Variants in UBE2J2 observed in about 807,000 individuals in gnomAD.
UBE2J2 encodes ubiquitin conjugating enzyme E2 J2, also known as ubiquitin-conjugating enzyme E2 J2.
Under a neutral mutation model 28.6 loss-of-function variants are expected in UBE2J2, and 5 were observed. The ratio of observed to expected loss-of-function variants is 0.17; its 90% confidence interval spans 0.09 to 0.37. UBE2J2 has a LOEUF of 0.37. Ranked by LOEUF, UBE2J2 falls within the 10% of genes least tolerant of loss-of-function variation. The pLI, the probability that UBE2J2 is intolerant of heterozygous loss-of-function variation, is 1.00. For missense variants in UBE2J2, 226 were observed against 338.9 expected (o/e 0.67, Z 2.62); for synonymous variants, 138 against 139.7 (o/e 0.99, Z 0.09).
intron 5 of UBE2J2, 81 bp downstream of exon 5, chr1:1,256,911 A>AAAT: frequency 9.4e-7 from 1 of 1,066,596 alleles, no homozygotes; most frequent in East Asian, 3.0e-5. Flanking sequence ...AAAAAAAAAA[A>AAAT]GGCAGCTGCA....
chr1:1,255,952 C>A, intron 6 of UBE2J2, 93 bp downstream of exon 6: 1 of 953,802 alleles, frequency 1.0e-6, no homozygotes, highest in Non-Finnish European at 1.7e-6. Context: ...GGGAGGTCTG[C>A]AGCTTCAGGA....
intron 3 of UBE2J2, among the ~76,000 whole-genome samples, chr1:1,260,030 C>T (rs1452754815): frequency 6.6e-6 from 1 of 152,194 alleles, no homozygotes; most frequent in Non-Finnish European, 1.5e-5. Flanking sequence ...GCTTCACTGT[C>T]TGCCTCCCCT....
intron 2 of UBE2J2, among the ~76,000 whole-genome samples, chr1:1,263,956 C>T (rs183707820): frequency 7.9e-5 from 12 of 152,298 alleles, no homozygotes; most frequent in Admixed American, 5.2e-4. Flanking sequence ...TGTGCCACCA[C>T]ATCCCATTTG....
intron 3 of UBE2J2, among the ~76,000 whole-genome samples, chr1:1,261,216 A>C (rs1639539703): frequency 6.6e-6 from 1 of 152,208 alleles, no homozygotes; most frequent in African/African-American, 2.4e-5. Context: ...GGCATCCCCC[A>C]GTGAGGGGGA....
intron 1 of UBE2J2, among the ~76,000 whole-genome samples, chr1:1,269,512 G>A (rs1384393689): frequency 6.6e-6 from 1 of 151,138 alleles, no homozygotes; most frequent in Non-Finnish European, 1.5e-5. Context: ...CCAGGTTGGA[G>A]TGCAGTGGTG....
chr1:1,259,186 C>T (rs1001564616), intron 3 of UBE2J2, among the ~76,000 whole-genome samples: 16 of 150,530 alleles, frequency 1.1e-4, no homozygotes, highest in Admixed American at 1.3e-4. Flanking sequence ...GCCATCAGGA[C>T]GCACTTGTGT....
intron 6 of UBE2J2, 119 bp from the exon 7 acceptor site, chr1:1,255,606 A>C: frequency 1.6e-6 from 2 of 1,257,652 alleles, no homozygotes; most frequent in Non-Finnish European, 2.2e-6. Context: ...GCTGTGTCAA[A>C]TTCCGACCCC....
rs1401107246 is a variant in UBE2J2, at chr1:1,253,975, T to C, written c.*1228A>G. The C allele has an allele frequency of 6.6e-6, 1 of 152,128 alleles. No individual in the cohort carries two copies. The highest frequency in any genetic ancestry group is 2.4e-5 in the African/African-American group (1 of 41,406). 9.4% of individuals were successfully genotyped at this position (152,128 alleles called of 1,614,324 possible). A position where few individuals can be genotyped will look rare whatever the true frequency, so the allele number is the denominator to read the frequency against. ...ACAAGAATAGGTTAAATACATACAA[T>C]TGGTAAATTATAGAGCAATTCTGAA... On this transcript the variant is annotated 3_prime_UTR_variant, in exon 7 of 7. Transcript: ENST00000349431.
intron 1 of UBE2J2, chr1:1,271,562 A>T (rs572245117): frequency 6.6e-6 from 1 of 152,206 alleles, no homozygotes; most frequent in South Asian, 2.1e-4. Flanking sequence ...CTGTTTCCCC[A>T]GCCACTCTTC....
At chr1:1,272,599 TCA>T (rs1640210291) in intron 1 of UBE2J2, among the ~76,000 whole-genome samples, 2 of 146,632 alleles carry the variant, frequency 1.4e-5, no homozygotes, top group African/African-American at 5.4e-5. Context: ...CACCTGCGAC[TCA>T]CACATGCACC....
chr1:1,269,007 G>T (rs957651925), intron 1 of UBE2J2, among the ~76,000 whole-genome samples: 1 of 152,228 alleles, frequency 6.6e-6, no homozygotes, highest in African/African-American at 2.4e-5. Context: ...CAAGCCTCAA[G>T]GCAGATCATA....
At chr1:1,256,686 C>A (rs2101030278) in intron 5 of UBE2J2, among the ~76,000 whole-genome samples, 1 of 151,986 alleles carries the variant, frequency 6.6e-6, no homozygotes, top group East Asian at 1.9e-4. Context: ...ATCAAGACAT[C>A]CTGGTTAACA....
At chr1:1,259,244 A>G (rs112016192) in intron 3 of UBE2J2, among the ~76,000 whole-genome samples, 2 of 149,006 alleles carry the variant, frequency 1.3e-5, no homozygotes, top group Non-Finnish European at 3.0e-5. Context: ...GCGTGTCTGC[A>G]TGCCATCAGG....
rs1156670827 is a variant in UBE2J2, at chr1:1,267,901, T to A, written c.92A>T (p.Tyr31Phe). 15 of 1,613,974 alleles carry A rather than the reference T, an allele frequency of 9.3e-6. No homozygotes were observed. Among genetic ancestry groups the A allele is most frequent in the Non-Finnish European group, 1.2e-5 (14 of 1,179,978 alleles). The change falls in exon 2 of 7, where the codon TAC (tyrosine) becomes TTC (phenylalanine). Residue 31 changes from tyrosine to phenylalanine, a missense_variant. Coordinates refer to ENST00000349431, the MANE Select transcript of UBE2J2 (RefSeq NM_058167.3). ...CGAAGGGAGGGGCTCGGCACAGATG[T>A]AAGGCACCGGGTCTTTCTTAATGCG... The part of the protein sequence containing the change: ...YLRIKKDPVP[Y>F]ICAEPLPSNI...
chr1:1,267,742 G>A, intron 2 of UBE2J2, 120 bp downstream of exon 2: 2 of 1,540,226 alleles, frequency 1.3e-6, no homozygotes, highest in Non-Finnish European at 1.8e-6. Context: ...CCCCGGGGGA[G>A]GGTGCAGGAG....
At chr1:1,257,407 C>CCCCCCCCCCCCCCCCCCCG (rs1553154853) in intron 3 of UBE2J2, 97 bp from the exon 4 acceptor site, 1 of 553,978 alleles carries the variant, frequency 1.8e-6, no homozygotes, top group African/African-American at 5.7e-5. Context: ...CCCCCCCCCC[C>CCCCCCCCCCCCCCCCCCCG]CTCAGCTCGG....
rs1639081971 is a variant in UBE2J2, at chr1:1,254,832, G to A, written c.*371C>T. The stretch of plus-strand genomic sequence containing the variant: ...GCCGGGAGCTCCGAGAAACGCGCCA[G>A]GAGCTCCAAGAACGCAGGAGCAGCC... On this transcript the variant is annotated 3_prime_UTR_variant, in exon 7 of 7. Transcript: ENST00000349431. 1 of 171,132 alleles carries A rather than the reference G, an allele frequency of 5.8e-6. No individual in the cohort carries two copies. Among genetic ancestry groups the A allele is most frequent in the East Asian group, 1.6e-4 (1 of 6,174 alleles). The allele number at this position is 171,132 out of a possible 1,614,324, so 10.6% of individuals were successfully genotyped here.
intron 5 of UBE2J2, among the ~76,000 whole-genome samples, chr1:1,256,725 C>CA (rs1184397252): frequency 2.0e-4 from 29 of 144,658 alleles, no homozygotes; most frequent in South Asian, 2.2e-4. Flanking sequence ...ACTAAAAATA[C>CA]AAAAAAAAAA....
chr1:1,257,065 A>G lies in UBE2J2; in HGVS notation c.341T>C (p.Ile114Thr). 6.2e-7 allele frequency: 1 copy of G among 1,613,268 alleles called. No individual in the cohort carries two copies. Among genetic ancestry groups the G allele is most frequent in the Non-Finnish European group, 8.5e-7 (1 of 1,179,666 alleles). ...TWNPAWSVST[I>T]LTGLLSFMVE... ...CATGAAGCTCAGGAGCCCAGTCAGG[A>G]TGGTGGAGACAGACCAGGCCGGGTT... The change falls in exon 5 of 7, where the codon ATC becomes ACC. Residue 114 changes from isoleucine (I) to threonine (T), a missense_variant. This residue lies in a region of UBE2J2 where 13 missense variants were observed against 63.0 expected (regional missense o/e 0.21). Transcript: ENST00000349431.
Sources: allele counts gnomAD v4.1 joint callset (sites outside exome capture counted in the v4.1 genomes callset), GRCh38; gene constraint gnomAD v4.1.1; regional missense constraint gnomAD v4.1.1; transcripts MANE v1.5; gene names NCBI Gene and HGNC (gene_info 2026-07-23, HGNC 2026-07-21).